Variants in RNF19B observed in about 807,000 individuals in gnomAD.
The protein encoded by RNF19B is E3 ubiquitin-protein ligase RNF19B.
Under a neutral mutation model 65.5 loss-of-function variants are expected in RNF19B, and 23 were observed. The ratio of observed to expected loss-of-function variants is 0.35; its 90% CI spans 0.25 to 0.50. The LOEUF is 0.50. Ranked by LOEUF, RNF19B falls within the 20% of genes least tolerant of loss-of-function variation. RNF19B has a pLI of 0.98. For missense variants in RNF19B, 794 were observed against 980.0 expected (o/e 0.81, Z 2.53); for synonymous variants, 372 against 379.6 (o/e 0.98, Z 0.23).
chr1:32,941,712 T>C (rs1642236108), intron 7 of RNF19B, among the ~76,000 whole-genome samples: 3 of 152,038 alleles, frequency 2.0e-5, no homozygotes, highest in South Asian at 2.1e-4. Context: ...TTATTCTTTA[T>C]ATAGAGGCAG....
Position 32,944,068 on chromosome 1 carries a change from G to T in RNF19B, c.1353C>A (p.Asn451Lys), listed in dbSNP as rs569915572. ...RGGGCGVSTA[N>K]GKGVKIEFDE... ...CAAATTCAATTTTCACTCCTTTTCC[G>T]TTGGCTGTGCTAACTCCACAGCCGC... Residue 451 changes from asparagine (N) to lysine (K), a missense_variant, in exon 6 of 9, where the codon AAC (asparagine) becomes AAA (lysine). Around this residue, in one of 3 missense-constraint regions of RNF19B, gnomAD observed 368 missense variants for 447.3 expected, o/e 0.82. Transcript: ENST00000235150. 1 of 1,612,860 alleles carries T rather than the reference G, an allele frequency of 6.2e-7. No homozygotes were observed. Among genetic ancestry groups the T allele is most frequent in the South Asian group, 1.1e-5 (1 of 90,960 alleles).
intron 8 of RNF19B, among the ~76,000 whole-genome samples, chr1:32,937,779 C>T (rs369311143): frequency 1.3e-5 from 2 of 152,198 alleles, no homozygotes; most frequent in East Asian, 1.9e-4. Flanking sequence ...TTTAACTATA[C>T]ATGCACACGT....
At chr1:32,943,454 TAA>T (rs1036914677) in intron 6 of RNF19B, among the ~76,000 whole-genome samples, 1 of 141,638 alleles carries the variant, frequency 7.1e-6, no homozygotes, top group African/African-American at 2.6e-5. Context: ...CCGTCTATAC[TAA>T]AAAAAAAAAA....
intron 1 of RNF19B, among the ~76,000 whole-genome samples, chr1:32,963,203 C>T (rs912100368): frequency 6.6e-6 from 1 of 152,114 alleles, no homozygotes. Context: ...CTCCCGATAG[C>T]GTGGCACAGA....
chr1:32,961,456 G>A (rs1440500048), intron 1 of RNF19B, among the ~76,000 whole-genome samples: 1 of 152,132 alleles, frequency 6.6e-6, no homozygotes, highest in African/African-American at 2.4e-5. Flanking sequence ...ATATGACCCT[G>A]AACAAGTCAT....
rs1297450382 is a variant in RNF19B, at chr1:32,945,632, A to G, written c.1147-4T>C. ...TTCCCTCATACCTGCTGTGAATCTA[A>G]GAATAAAAAAAGAAAATCCAGGTCA... On this transcript the variant is annotated splice_region_variant and splice_polypyrimidine_tract_variant and intron_variant, in intron 4 of 8. Transcript: ENST00000235150. 1 of 1,580,448 alleles carries G rather than the reference A, an allele frequency of 6.3e-7. No homozygotes were observed. Among genetic ancestry groups the G allele is most frequent in the Admixed American group, 1.7e-5 (1 of 59,752 alleles).
At chr1:32,963,807 C>G (rs1055202002) in intron 1 of RNF19B, among the ~76,000 whole-genome samples, 1 of 152,366 alleles carries the variant, frequency 6.6e-6, no homozygotes, top group East Asian at 1.9e-4. Flanking sequence ...CTCCCTGTCT[C>G]CTAACTTGGA....
At position 32,957,562 on chromosome 1, in the gene RNF19B, G is replaced by A. The variant is rs535485751; in HGVS notation, c.635+6489C>T. Among the ~76,000 whole-genome samples, 4 of 152,272 alleles carry A rather than the reference G, an allele frequency of 2.6e-5. No individual in the cohort carries two copies. In the East Asian group the frequency reaches 7.7e-4, roughly 29 times the overall value. ...GAAAGTATCTGTTGAAGCCAGGTGT[G>A]GTGGCTCACACCTGTAATCCCAGCA... is the stretch of plus-strand genomic sequence containing the variant. On this transcript the variant is annotated intron_variant, in intron 1 of 8. Transcript: ENST00000235150.
intron 1 of RNF19B, among the ~76,000 whole-genome samples, chr1:32,953,873 T>C (rs1642568997): frequency 6.6e-6 from 1 of 151,700 alleles, no homozygotes; most frequent in African/African-American, 2.4e-5. Flanking sequence ...GAAGTAAATG[T>C]TTATTAACAT....
intron 1 of RNF19B, among the ~76,000 whole-genome samples, chr1:32,957,208 T>C (rs1642659364): frequency 6.6e-6 from 1 of 152,192 alleles, no homozygotes; most frequent in Non-Finnish European, 1.5e-5. Flanking sequence ...GGTCTTGCTA[T>C]TACCCAGGCT....
intron 3 of RNF19B, 33 bp from the exon 4 acceptor site, chr1:32,946,597 C>T (rs754419951): frequency 1.3e-6 from 2 of 1,598,674 alleles, no homozygotes; most frequent in Admixed American, 3.4e-5. Flanking sequence ...TTAATGTCAA[C>T]ATTACAAATA....
downstream of RNF19B, among the ~76,000 whole-genome samples, chr1:32,931,606 C>T (rs544785621): frequency 6.6e-5 from 10 of 152,328 alleles, no homozygotes; most frequent in South Asian, 2.1e-3. Flanking sequence ...ACGAATTCAA[C>T]TTATGTTGTA....
downstream of RNF19B, among the ~76,000 whole-genome samples, chr1:32,933,790 T>A (rs145072112): frequency 3.7e-4 from 56 of 152,304 alleles, 1 homozygote; most frequent in East Asian, 0.01. Flanking sequence ...ATTTTCAGTA[T>A]ACCATCTCAG....
In RNF19B at chr1:32,944,169, G is replaced by A. The variant is rs111898851; in HGVS notation, c.1262-10C>T. On this transcript the variant is annotated splice_polypyrimidine_tract_variant and intron_variant, in intron 5 of 8. Coordinates refer to ENST00000235150, the MANE Select transcript of RNF19B (RefSeq NM_001300826.2). ...ATGGGGACACCAATACCTGGGGGAA[G>A]AGAAGGAAACATGTCAGCTGGCTAT... 2.5e-6 allele frequency: 4 copies of A among 1,606,648 alleles called. No individual in the cohort carries two copies. The highest frequency in any genetic ancestry group is 1.7e-6 in the Non-Finnish European group (2 of 1,176,386).
At chr1:32,944,231 G>T in intron 5 of RNF19B, 72 bp from the exon 6 acceptor site, 2 of 1,505,516 alleles carry the variant, frequency 1.3e-6, no homozygotes, top group Non-Finnish European at 1.8e-6. Flanking sequence ...TTCCCAGTCT[G>T]GGCATGGACA....
intron 1 of RNF19B, among the ~76,000 whole-genome samples, chr1:32,952,191 TCACA>T (rs1025879254): frequency 6.6e-6 from 1 of 151,938 alleles, no homozygotes; most frequent in African/African-American, 2.4e-5. Flanking sequence ...AGAATTAGTC[TCACA>T]CAAACAATCC....
chr1:32,963,018 C>T (rs1642808336), intron 1 of RNF19B, among the ~76,000 whole-genome samples: 1 of 152,160 alleles, frequency 6.6e-6, no homozygotes, highest in South Asian at 2.1e-4. Context: ...CTACATGGTG[C>T]ATTAAAAAGA....
chr1:32,949,538 A>C (rs1642440091), intron 2 of RNF19B, 31 bp downstream of exon 2: 1 of 1,589,208 alleles, frequency 6.3e-7, no homozygotes, highest in Admixed American at 1.7e-5. Context: ...AATACCAAAT[A>C]AAGAGACAAT....
At chr1:32,954,311 A>T (rs1159543647) in intron 1 of RNF19B, among the ~76,000 whole-genome samples, 4 of 151,804 alleles carry the variant, frequency 2.6e-5, no homozygotes, top group Non-Finnish European at 5.9e-5. Flanking sequence ...ATAACCCCAA[A>T]TTACTCATGA....
Sources: gnomAD v4.1 joint callset for allele counts (sites outside exome capture counted in the v4.1 genomes callset) on GRCh38, gnomAD v4.1.1 for gene constraint, gnomAD v4.1.1 regional missense constraint, MANE v1.5 for transcripts, NCBI Gene and HGNC (gene_info 2026-07-23, HGNC 2026-07-21) for gene names.